The following ABCC6 variants were observed in gnomAD, a reference collection of about 807,000 sequenced individuals.
The protein encoded by ABCC6 is ATP-binding cassette sub-family C member 6.
In ABCC6, 126 loss-of-function variants were observed where a neutral mutation model predicts 169.5. The observed-to-expected ratio is 0.74, with a 90% CI of 0.64 to 0.86. ABCC6 has a LOEUF of 0.86. Ranked by LOEUF, ABCC6 falls within the 40% of genes least tolerant of loss-of-function variation. The probability of loss-of-function intolerance (pLI) is 0.00; values close to 1 mark genes in which losing one functional copy is unlikely to be tolerated. For synonymous variants in ABCC6, 752 were observed against 814.7 expected (o/e 0.92, Z 1.31); for missense variants, 1,733 against 1,927.2 (o/e 0.90, Z 1.89).
chr16:16,178,219 C>A (rs533331510), intron 18 of ABCC6, among the ~76,000 whole-genome samples: 1 of 151,838 alleles, frequency 6.6e-6, no homozygotes, highest in African/African-American at 2.4e-5. Flanking sequence ...CCCAGCTACT[C>A]GGGAGGCTGA....
rs765483994 is a variant in ABCC6, at chr16:16,159,583, C to G, written c.3634G>C (p.Val1212Leu). ...VGFSVSAALQVTQTLQWVVRN... is the reference protein window; with the variant it reads ...VGFSVSAALQLTQTLQWVVRN... ...ACAACCCACTGCAGTGTCTGGGTCA[C>G]CTGGTGCAAGAAAGCCTCTCTGGCT... Residue 1212 changes from valine to leucine, a missense_variant and splice_region_variant, in exon 26 of 31, where the codon GTG becomes CTG. Physicochemically the swap from Val to Leu is conservative, Grantham distance 32. This residue lies in a region of ABCC6 where 1,601 missense variants were observed against 1,635.5 expected (regional missense o/e 0.98). Transcript: ENST00000205557. 3 of 1,614,108 alleles carry G rather than the reference C, an allele frequency of 1.9e-6. No homozygotes were observed. The highest frequency in any genetic ancestry group is 2.2e-5 in the East Asian group (1 of 44,878).
In ABCC6 at chr16:16,150,200, C is replaced by G; in HGVS notation, c.4445G>C (p.Ser1482Thr). 8 of 1,613,934 alleles carry G rather than the reference C, an allele frequency of 5.0e-6. No homozygotes were observed. The highest frequency in any genetic ancestry group is 2.2e-5 in the East Asian group (1 of 44,888). ...CTTCTGGGCCAGCAGCTGGGCCGGGCTGCCGCTCTCTGCCACCTGCCCCTT... is the reference window on the plus strand; with the variant it reads ...CTTCTGGGCCAGCAGCTGGGCCGGGGTGCCGCTCTCTGCCACCTGCCCCTT... ...MDKGQVAESG[S>T]PAQLLAQKGL... The change falls in exon 31 of 31, where the codon AGC (serine) becomes ACC (threonine). Residue 1482 changes from serine (S) to threonine (T), a missense_variant. Ser to Thr is a moderately conservative substitution (Grantham distance 58). Transcript: ENST00000205557.
rs2046599229 is a variant in ABCC6 at position 16,157,799 on chromosome 16, C to T, written c.3746G>A (p.Arg1249Lys). ...YAWTPKEAPWRLPTCAAQPPW... is the reference protein window; with the variant it reads ...YAWTPKEAPWKLPTCAAQPPW... ...GGGCTGAGCTGCACATGTGGGCAGC[C>T]TCCAGGGAGCCTGGAGCAGGAGGGG... Residue 1249 changes from arginine to lysine, a missense_variant, in exon 27 of 31, where the codon AGG (arginine) becomes AAG (lysine). Arg to Lys is a conservative substitution (Grantham distance 26). Transcript: ENST00000205557. 1.2e-6 allele frequency: 2 copies of T among 1,611,436 alleles called. No homozygotes were observed. The highest frequency in any genetic ancestry group is 1.7e-6 in the Non-Finnish European group (2 of 1,179,736).
At chr16:16,166,348 C>G (rs770667283) in intron 22 of ABCC6, among the ~76,000 whole-genome samples, 36 of 151,868 alleles carry the variant, frequency 2.4e-4, no homozygotes, top group Non-Finnish European at 4.0e-4. Context: ...TGCGCCTGTA[C>G]CCTGCTTGTT....
intron 6 of ABCC6, among the ~76,000 whole-genome samples, chr16:16,209,127 A>G (rs2048505623): frequency 6.6e-6 from 1 of 152,164 alleles, no homozygotes; most frequent in Non-Finnish European, 1.5e-5. Context: ...TCTGTCTCCC[A>G]GGCTGGAGTG....
chr16:16,163,077 C>G lies in ABCC6; in HGVS notation c.3422G>C (p.Arg1141Pro), dbSNP rs572351621. Residue 1141 changes from arginine to proline, a missense_variant, in exon 24 of 31, where the codon CGA (arginine) becomes CCA (proline). By Grantham distance (103) the Arg-to-Pro change is moderately radical (BLOSUM62 -2). This residue lies in a region of ABCC6 where 1,601 missense variants were observed against 1,635.5 expected (regional missense o/e 0.98). Coordinates refer to ENST00000205557, the MANE Select transcript of ABCC6 (RefSeq NM_001171.6). ...FQGSTVVRAF[R>P]TQAPFVAQNN... ...CTGAGCCACAAAGGGGGCCTGGGTT[C>G]GGAATGCCCGGACCACTGTGCTGCC... 2 of 1,613,916 alleles carry G rather than the reference C, an allele frequency of 1.2e-6. No individual in the cohort carries two copies. The highest frequency in any genetic ancestry group is 3.3e-5 in the Admixed American group (2 of 60,018).
At chr16:16,170,021 C>T (rs1011122160) in intron 21 of ABCC6, among the ~76,000 whole-genome samples, 168 bp from the exon 22 acceptor site, 19 of 152,210 alleles carry the variant, frequency 1.2e-4, no homozygotes, top group African/African-American at 2.9e-4. Context: ...ACCATTTCCC[C>T]GACAGGCCCC....
chr16:16,222,215 T>C (rs903375257), intron 1 of ABCC6, among the ~76,000 whole-genome samples: 21 of 152,040 alleles, frequency 1.4e-4, no homozygotes, highest in African/African-American at 5.1e-4. Flanking sequence ...CAGACAGTAC[T>C]GTCTCCATTT....
intron 29 of ABCC6, among the ~76,000 whole-genome samples, chr16:16,153,355 G>A (rs1177693196): frequency 1.3e-5 from 2 of 152,164 alleles, no homozygotes; most frequent in African/African-American, 4.8e-5. Context: ...AAATTATTCG[G>A]CCTTAAAAAG....
intron 19 of ABCC6, among the ~76,000 whole-genome samples, chr16:16,176,684 A>T (rs937458327): frequency 6.6e-6 from 1 of 152,220 alleles, no homozygotes; most frequent in Non-Finnish European, 1.5e-5. Flanking sequence ...TTGCTTTGTC[A>T]TGAAGGGATA....
intron 4 of ABCC6, among the ~76,000 whole-genome samples, chr16:16,215,184 A>G (rs1333581163): frequency 2.0e-5 from 3 of 152,182 alleles, no homozygotes; most frequent in African/African-American, 4.8e-5. Context: ...CCCTGCCCTG[A>G]GCACATGCGG....
rs767686766 is a variant in ABCC6, at chr16:16,203,624, G to A, written c.795-11C>T. On this transcript the variant is annotated splice_polypyrimidine_tract_variant and intron_variant, in intron 7 of 30. Transcript: ENST00000205557. The stretch of plus-strand genomic sequence containing the variant: ...ATTGCCTTGTTGTGCCTGAGGGGAA[G>A]GGAGAGATTAGCTCTGGGTCCCATT... 6.2e-6 allele frequency: 10 copies of A among 1,613,770 alleles called. No individual in the cohort carries two copies. In the African/African-American group the frequency reaches 8.0e-5, roughly 13 times the overall value.
intron 22 of ABCC6, among the ~76,000 whole-genome samples, chr16:16,166,204 C>T (rs1302274584): frequency 6.6e-6 from 1 of 152,170 alleles, no homozygotes; most frequent in Non-Finnish European, 1.5e-5. Flanking sequence ...TGTACGCCAC[C>T]ATGCCGGCTA....
intron 7 of ABCC6, 77 bp from the exon 8 acceptor site, chr16:16,203,690 G>A: frequency 1.3e-6 from 2 of 1,550,786 alleles, no homozygotes; most frequent in Non-Finnish European, 1.8e-6. Flanking sequence ...GGCATTAAAG[G>A]GTTGTTTTCC....
At chr16:16,156,568 G>A (rs1036270681) in intron 27 of ABCC6, among the ~76,000 whole-genome samples, 1 of 152,160 alleles carries the variant, frequency 6.6e-6, no homozygotes, top group African/African-American at 2.4e-5. Context: ...CCAAGCTCAG[G>A]AATTCACACT....
rs1379277442 is a variant in ABCC6, at chr16:16,178,790, A to C, written c.2415+8T>G. ...CCTGTACTGTCTGACACATGTTCCC[A>C]AACTTACTGTTCCCTGGAGTAGTCC... On this transcript the variant is annotated splice_region_variant and intron_variant, in intron 18 of 30. Transcript: ENST00000205557. 6.2e-7 allele frequency: 1 copy of C among 1,613,760 alleles called. No homozygotes were observed. Among genetic ancestry groups the C allele is most frequent in the African/African-American group, 1.3e-5 (1 of 74,906 alleles).
intron 17 of ABCC6, among the ~76,000 whole-genome samples, chr16:16,180,129 G>A (rs1014035664): frequency 3.9e-5 from 6 of 152,240 alleles, no homozygotes; most frequent in East Asian, 1.9e-4. Context: ...GAGCTCAGGC[G>A]GTGATGGGAA....
At chr16:16,182,745 G>C (rs559645240) in intron 16 of ABCC6, 59 bp downstream of exon 16, 2 of 1,610,900 alleles carry the variant, frequency 1.2e-6, no homozygotes, top group African/African-American at 1.3e-5. Flanking sequence ...GGAAGGCAGC[G>C]AGGAAGTGGG....
At chr16:16,155,502 G>A (rs976381391) in intron 27 of ABCC6, 4 of 176,644 alleles carry the variant, frequency 2.3e-5, no homozygotes, top group Non-Finnish European at 2.4e-5. Flanking sequence ...CTGTCTATCC[G>A]TCTCTCGTTT....
Sources: gnomAD v4.1 joint callset for allele counts (sites outside exome capture counted in the v4.1 genomes callset) on GRCh38, gnomAD v4.1.1 for gene constraint, gnomAD v4.1.1 regional missense constraint, MANE v1.5 for transcripts, NCBI Gene and HGNC (gene_info 2026-07-23, HGNC 2026-07-21) for gene names.